PDGFC: variants seen among roughly 807,000 people sequenced by gnomAD.
The protein encoded by PDGFC is platelet derived growth factor C.
In PDGFC, 12 loss-of-function variants were observed where a neutral mutation model predicts 35.5. The observed-to-expected ratio is 0.34, with a 90% CI of 0.22 to 0.55. The LOEUF is 0.55. PDGFC is among the 20% of genes least tolerant of loss of function. PDGFC has a pLI of 0.91. For missense variants in PDGFC, 322 were observed against 412.4 expected (o/e 0.78, Z 1.90); for synonymous variants, 159 against 148.8 (o/e 1.07, Z -0.50).
At chr4:156,813,166 G>A (rs935652144) in intron 2 of PDGFC, among the ~76,000 whole-genome samples, 41 of 152,014 alleles carry the variant, frequency 2.7e-4, no homozygotes, top group African/African-American at 8.9e-4. Flanking sequence ...CATTTTTATC[G>A]AATGGTAATT....
intron 1 of PDGFC, among the ~76,000 whole-genome samples, chr4:156,903,697 A>G (rs1312841820): frequency 6.6e-6 from 1 of 152,180 alleles, no homozygotes; most frequent in Non-Finnish European, 1.5e-5. Flanking sequence ...AATAATCAGA[A>G]ACAAAAATAA....
chr4:156,940,177 A>G (rs1252887002), intron 1 of PDGFC, among the ~76,000 whole-genome samples: 8 of 152,114 alleles, frequency 5.3e-5, no homozygotes, highest in Non-Finnish European at 1.0e-4. Flanking sequence ...TATTACATCA[A>G]ATCAATTGTT....
intron 2 of PDGFC, among the ~76,000 whole-genome samples, chr4:156,832,582 T>C (rs1263559121): frequency 1.3e-5 from 2 of 152,288 alleles, no homozygotes; most frequent in African/African-American, 4.8e-5. Flanking sequence ...ACACAAGTGG[T>C]ATATAAGCCA....
At chr4:156,834,191 A>G (rs951126849) in intron 2 of PDGFC, among the ~76,000 whole-genome samples, 2 of 152,326 alleles carry the variant, frequency 1.3e-5, no homozygotes, top group East Asian at 1.9e-4. Context: ...ATCTTGAGAC[A>G]TGTAAACAAA....
At chr4:156,815,336 A>ACG (rs1385282406) in intron 2 of PDGFC, among the ~76,000 whole-genome samples, 1 of 143,946 alleles carries the variant, frequency 6.9e-6, no homozygotes, top group Non-Finnish European at 1.5e-5. Flanking sequence ...ACACACACAC[A>ACG]CACACACACA....
intron 1 of PDGFC, among the ~76,000 whole-genome samples, chr4:156,875,154 G>A (rs1466980057): frequency 6.6e-6 from 1 of 152,156 alleles, no homozygotes; most frequent in African/African-American, 2.4e-5. Context: ...GAAAGAAACA[G>A]AGATGGCAGC....
At chr4:156,892,344 A>G (rs970802714) in intron 1 of PDGFC, among the ~76,000 whole-genome samples, 1 of 152,218 alleles carries the variant, frequency 6.6e-6, no homozygotes, top group African/African-American at 2.4e-5. Flanking sequence ...AAATCCTGAT[A>G]GCAACTAAAA....
At chr4:156,839,258 T>C (rs910767974) in intron 2 of PDGFC, among the ~76,000 whole-genome samples, 1 of 152,158 alleles carries the variant, frequency 6.6e-6, no homozygotes, top group African/African-American at 2.4e-5. Flanking sequence ...CCTCAGCTTC[T>C]CTCCCAACAC....
chr4:156,894,990 C>T (rs1405636980), intron 1 of PDGFC, among the ~76,000 whole-genome samples: 2 of 152,032 alleles, frequency 1.3e-5, no homozygotes, highest in Non-Finnish European at 2.9e-5. Flanking sequence ...ATGAAGTGTC[C>T]ATTTTATATT....
At chr4:156,790,990 G>A (rs1235221659) in intron 3 of PDGFC, among the ~76,000 whole-genome samples, 1 of 152,054 alleles carries the variant, frequency 6.6e-6, no homozygotes, top group Non-Finnish European at 1.5e-5. Context: ...GATTCCTCAG[G>A]CAAACCACCA....
chr4:156,971,472 C>T lies in PDGFC; in HGVS notation c.-569G>A, dbSNP rs1348971027. 2 of 271,788 alleles carry T rather than the reference C, an allele frequency of 7.4e-6. No individual in the cohort carries two copies. Among genetic ancestry groups the T allele is most frequent in the Non-Finnish European group, 1.4e-5 (2 of 146,878 alleles). The allele number at this position is 271,788 out of a possible 1,614,324, so 16.8% of individuals were successfully genotyped here. A position where few individuals can be genotyped will look rare whatever the true frequency, so the allele number is the denominator to read the frequency against. On this transcript the variant is annotated 5_prime_UTR_variant, in exon 1 of 6. Transcript: ENST00000502773. ...AAGGCGAGGGCGCCGCGGCGGGTCC[C>T]ACGGGCCGGGGCGCCGGAGCGGGGC...
At chr4:156,936,222 T>C (rs7676748) in intron 1 of PDGFC, among the ~76,000 whole-genome samples, 285 of 152,264 alleles carry the variant, frequency 1.9e-3, no homozygotes, top group African/African-American at 6.6e-3. Flanking sequence ...TCAAAAAGTA[T>C]CTTTCTTCAG....
chr4:156,880,836 TG>T (rs1405780960), intron 1 of PDGFC, among the ~76,000 whole-genome samples: 3 of 150,162 alleles, frequency 2.0e-5, no homozygotes, highest in Non-Finnish European at 4.4e-5. Context: ...AAAACCTGAA[TG>T]GATGAGGAGT....
intron 1 of PDGFC, among the ~76,000 whole-genome samples, chr4:156,860,301 T>C (rs1307057421): frequency 6.6e-6 from 1 of 152,148 alleles, no homozygotes; most frequent in East Asian, 1.9e-4. Context: ...GATCTGAGTG[T>C]CCTCCTTTAT....
intron 1 of PDGFC, among the ~76,000 whole-genome samples, chr4:156,923,742 A>G (rs1284511103): frequency 1.3e-5 from 2 of 152,206 alleles, no homozygotes; most frequent in African/African-American, 4.8e-5. Context: ...ACCAAGAGAC[A>G]AAAGATCATA....
chr4:156,950,837 G>T (rs1732063533), intron 1 of PDGFC, among the ~76,000 whole-genome samples: 1 of 151,638 alleles, frequency 6.6e-6, no homozygotes, highest in Non-Finnish European at 1.5e-5. Context: ...CTAGAAATTG[G>T]CAAAAAGAGC....
At chr4:156,793,099 T>C (rs748776651) in intron 3 of PDGFC, among the ~76,000 whole-genome samples, 3 of 152,128 alleles carry the variant, frequency 2.0e-5, no homozygotes, top group Non-Finnish European at 4.4e-5. Context: ...AAGTAGACAT[T>C]CAATAAATAG....
At chr4:156,915,888 G>A (rs916251659) in intron 1 of PDGFC, among the ~76,000 whole-genome samples, 1 of 152,006 alleles carries the variant, frequency 6.6e-6, no homozygotes, top group South Asian at 2.1e-4. Flanking sequence ...TAGAAGCAAC[G>A]GCTTTTCCTG....
intron 3 of PDGFC, among the ~76,000 whole-genome samples, chr4:156,807,722 T>C (rs899048259): frequency 5.3e-5 from 8 of 152,066 alleles, no homozygotes; most frequent in South Asian, 2.1e-4. Flanking sequence ...TATCCATTTA[T>C]AGTCCCAAAG....
Sources: allele counts gnomAD v4.1 joint callset (sites outside exome capture counted in the v4.1 genomes callset), GRCh38; gene constraint gnomAD v4.1.1; transcripts MANE v1.5; gene names NCBI Gene and HGNC (gene_info 2026-07-23, HGNC 2026-07-21).